Variants in LIMS1 observed in about 807,000 individuals in gnomAD.
LIMS1 encodes the protein LIM zinc finger domain containing 1.
Under a neutral mutation model 44.1 loss-of-function variants are expected in LIMS1, and 18 were observed. The ratio of observed to expected loss-of-function variants is 0.41; its 90% confidence interval spans 0.28 to 0.61. LIMS1 has a LOEUF of 0.61. LIMS1 is among the 20% of genes least tolerant of loss of function. LIMS1 has a pLI of 0.32. For missense variants in LIMS1, 201 were observed against 422.0 expected (o/e 0.48, Z 4.59); for synonymous variants, 93 against 149.1 (o/e 0.62, Z 2.74).
chr2:108,587,109 C>G (rs1320989432), intron 1 of LIMS1, among the ~76,000 whole-genome samples: 1 of 152,036 alleles, frequency 6.6e-6, no homozygotes, highest in Non-Finnish European at 1.5e-5. Flanking sequence ...TTTAGAACTC[C>G]CTCTGCCTTT....
intron 1 of LIMS1, among the ~76,000 whole-genome samples, chr2:108,571,057 C>A (rs1573347965): frequency 6.6e-6 from 1 of 152,134 alleles, no homozygotes; most frequent in East Asian, 1.9e-4. Flanking sequence ...TCTTTATTTC[C>A]TTTCCTTTCT....
At chr2:108,663,454 A>G (rs1209544053) in intron 2 of LIMS1, among the ~76,000 whole-genome samples, 1 of 152,218 alleles carries the variant, frequency 6.6e-6, no homozygotes, top group African/African-American at 2.4e-5. Flanking sequence ...ATCCAGCATT[A>G]TCTCCAGTAA....
chr2:108,543,070 A>C (rs964544700), intron 1 of LIMS1, among the ~76,000 whole-genome samples: 1 of 152,252 alleles, frequency 6.6e-6, no homozygotes, highest in Admixed American at 6.5e-5. Flanking sequence ...TAATAGAGTG[A>C]AGGACACATT....
chr2:108,574,039 T>TC (rs144870257), intron 1 of LIMS1, among the ~76,000 whole-genome samples: 11,954 of 150,176 alleles, frequency 0.08, 629 homozygotes, highest in Non-Finnish European at 0.12. Flanking sequence ...GAATCCCCCC[T>TC]CCCCCCCACC....
rs568324836 is a variant in LIMS1, at chr2:108,619,391, T to C, written c.33-40214T>C. Among the ~76,000 whole-genome samples the C allele has an allele frequency of 4.4e-3, 667 of 151,756 alleles. 4 individuals carry two copies. Among genetic ancestry groups the C allele is most frequent in the South Asian group, 0.014 (66 of 4,782 alleles). On this transcript the variant is annotated intron_variant, in intron 1 of 9. Transcript: ENST00000544547. ...TTTTTTTTTTAACTTGTCTTGATTT[T>C]AAAAAACGAAGGCTGGGCACGGTGG...
intron 1 of LIMS1, among the ~76,000 whole-genome samples, chr2:108,623,336 T>G (rs1162144363): frequency 6.6e-6 from 1 of 152,130 alleles, no homozygotes; most frequent in Non-Finnish European, 1.5e-5. Flanking sequence ...GACTTTGAAG[T>G]TAGGTACACC....
chr2:108,573,146 G>T (rs986759178), intron 1 of LIMS1, among the ~76,000 whole-genome samples: 3 of 152,176 alleles, frequency 2.0e-5, no homozygotes, highest in Admixed American at 6.5e-5. Flanking sequence ...TTTATATTCA[G>T]CAGATGTAAA....
At chr2:108,536,892 A>C (rs1179797011) in intron 1 of LIMS1, among the ~76,000 whole-genome samples, 1 of 152,122 alleles carries the variant, frequency 6.6e-6, no homozygotes, top group Non-Finnish European at 1.5e-5. Flanking sequence ...AGCCTGTCTA[A>C]GTTTTATGTG....
At chr2:108,563,749 G>A (rs939619579) in intron 1 of LIMS1, among the ~76,000 whole-genome samples, 1 of 152,134 alleles carries the variant, frequency 6.6e-6, no homozygotes, top group East Asian at 1.9e-4. Context: ...GGGTTTGAGA[G>A]AATTGACTTC....
intron 1 of LIMS1, chr2:108,588,569 A>G (rs1275380373): frequency 2.0e-6 from 2 of 985,414 alleles, no homozygotes; most frequent in Non-Finnish European, 2.4e-6. Flanking sequence ...AAGGAGTGGA[A>G]GTTTGAGAGA....
intron 1 of LIMS1, among the ~76,000 whole-genome samples, chr2:108,634,893 A>T (rs568447825): frequency 7.9e-5 from 12 of 152,324 alleles, no homozygotes; most frequent in Middle Eastern, 3.4e-3. Context: ...AAGTTCACTG[A>T]TCGCCTCAGT....
intron 4 of LIMS1, 65 bp downstream of exon 4, chr2:108,672,510 T>A: frequency 2.2e-6 from 1 of 452,586 alleles, no homozygotes. Flanking sequence ...ATCATGTGTA[T>A]TCTCCATGTG....
At chr2:108,586,938 ATAAAG>A (rs1686131733) in intron 1 of LIMS1, among the ~76,000 whole-genome samples, 1 of 152,118 alleles carries the variant, frequency 6.6e-6, no homozygotes, top group East Asian at 1.9e-4. Flanking sequence ...ACCTCCCAAA[ATAAAG>A]TAAATAAATC....
At chr2:108,635,763 C>T (rs1160804079) in intron 1 of LIMS1, among the ~76,000 whole-genome samples, 2 of 146,298 alleles carry the variant, frequency 1.4e-5, no homozygotes, top group Admixed American at 1.4e-4. Flanking sequence ...TTATTCTGTA[C>T]CTTTACGTGA....
intron 1 of LIMS1, among the ~76,000 whole-genome samples, chr2:108,610,111 C>T (rs1687510847): frequency 6.6e-6 from 1 of 151,410 alleles, no homozygotes; most frequent in African/African-American, 2.4e-5. Flanking sequence ...CCACTGCACT[C>T]CAGACTGGGC....
intron 2 of LIMS1, among the ~76,000 whole-genome samples, chr2:108,661,072 C>T (rs1167870408): frequency 7.3e-6 from 1 of 136,310 alleles, no homozygotes; most frequent in Non-Finnish European, 1.6e-5. Flanking sequence ...CAGCATTTTC[C>T]CATAGAAACA....
intron 1 of LIMS1, among the ~76,000 whole-genome samples, chr2:108,548,273 AC>A (rs1684556139): frequency 6.9e-6 from 1 of 145,472 alleles, no homozygotes; most frequent in African/African-American, 2.5e-5. Flanking sequence ...AACAATTTTA[AC>A]AATGTTTGGG....
At chr2:108,551,247 A>T (rs1684680110) in intron 1 of LIMS1, among the ~76,000 whole-genome samples, 1 of 150,334 alleles carries the variant, frequency 6.7e-6, no homozygotes, top group South Asian at 2.1e-4. Flanking sequence ...CCATTACAAC[A>T]ATGCTGTTTG....
chr2:108,591,801 GTTTTT>G (rs771392534), intron 1 of LIMS1, among the ~76,000 whole-genome samples: 1 of 66,076 alleles, frequency 1.5e-5, no homozygotes, highest in African/African-American at 4.0e-5. Flanking sequence ...TTTTTTTTTT[GTTTTT>G]TTTTTTGAGA....
Sources: gnomAD v4.1 joint callset for allele counts (sites outside exome capture counted in the v4.1 genomes callset) on GRCh38, gnomAD v4.1.1 for gene constraint, MANE v1.5 for transcripts, NCBI Gene and HGNC (gene_info 2026-07-23, HGNC 2026-07-21) for gene names.